The following DCDC2B variants were observed in gnomAD, a reference collection of about 807,000 sequenced individuals.
The protein encoded by DCDC2B is doublecortin domain-containing protein 2B.
DCDC2B carries 41 observed loss-of-function variants against 38.9 expected under a neutral mutation model. That is an observed-to-expected ratio of 1.05 (90% CI 0.82 to 1.37). The LOEUF (loss-of-function observed/expected upper bound fraction) is 1.37. Ranked by LOEUF, DCDC2B falls within the 40% of genes most tolerant of loss-of-function variation. The probability of loss-of-function intolerance (pLI) is 0.00; values close to 1 mark genes in which losing one functional copy is unlikely to be tolerated. For missense variants in DCDC2B, 453 were observed against 427.2 expected, an observed-to-expected ratio of 1.06 and a Z score of -0.53; for synonymous variants, 181 against 171.9, an observed-to-expected ratio of 1.05 and a Z score of -0.41.
At chr1:32,211,647 C>T (rs368115283) in intron 2 of DCDC2B, 114 bp from the exon 3 acceptor site, 13 of 1,047,980 alleles carry the variant, frequency 1.2e-5, no homozygotes, top group African/African-American at 4.8e-5. Flanking sequence ...TACTCCTCCT[C>T]GCCCCCTTCC....
Position 32,210,714 on chromosome 1 carries a change from C to CTT in DCDC2B, c.267-546_267-545dup, listed in dbSNP as rs541050742. Among the ~76,000 whole-genome samples the CTT allele has an allele frequency of 9.0e-3, 1,304 of 144,748 alleles. 26 individuals are homozygous for CTT. Among genetic ancestry groups the CTT allele is most frequent in the African/African-American group, 0.031 (1,227 of 39,804 alleles). 95.0% of individuals were successfully genotyped at this position (144,748 alleles called of 152,430 possible). A position where few individuals can be genotyped will look rare whatever the true frequency, so the allele number is the denominator to read the frequency against. ...TGCACTAGTTTCTAGTTTCTCTTGA[C>CTT]TTTTTTTTTTTTTGAGACAGGGTCT... On this transcript the variant is annotated intron_variant, in intron 1 of 8. Coordinates refer to ENST00000409358, the MANE Select transcript of DCDC2B (RefSeq NM_001099434.2).
At chr1:32,212,672 G>A in intron 5 of DCDC2B, 36 bp downstream of exon 5, 1 of 1,613,062 alleles carries the variant, frequency 6.2e-7, no homozygotes, top group Non-Finnish European at 8.5e-7. Flanking sequence ...AACAGGCCGG[G>A]CAGAGGAAGC....
intron 2 of DCDC2B, 122 bp from the exon 3 acceptor site, chr1:32,211,639 C>G: frequency 1.0e-6 from 1 of 964,258 alleles, no homozygotes; most frequent in Non-Finnish European, 1.6e-6. Context: ...AACTGTCTTA[C>G]TCCTCCTCGC....
Position 32,212,565 on chromosome 1 carries a change from A to G in DCDC2B, c.603A>G (p.Gly201=), listed in dbSNP as rs1569757994. ...CTGGCCATTACTATGTGGCTGTCGG[A>G]GAGGATGAGTTCAAGGACCTTCCCT... The part of the protein sequence containing the change: ...LVTGHYYVAV[G]EDEFKDLPYL... Residue 201 remains glycine (G), a synonymous_variant, in exon 5 of 9, where the codon GGA becomes GGG. Transcript: ENST00000409358. 1 of 1,614,004 alleles carries G rather than the reference A, an allele frequency of 6.2e-7. No individual in the cohort carries two copies. Among genetic ancestry groups the G allele is most frequent in the Non-Finnish European group, 8.5e-7 (1 of 1,179,890 alleles).
Position 32,212,536 on chromosome 1 carries a change from G to A in DCDC2B, c.574G>A (p.Val192Ile), listed in dbSNP as rs202155649. 6 of 1,614,032 alleles carry A rather than the reference G, an allele frequency of 3.7e-6. No homozygotes were observed. In the East Asian group the frequency reaches 1.1e-4, roughly 30 times the overall value. ...GLPLSAGKEL[V>I]TGHYYVAVGE... The stretch of plus-strand genomic sequence containing the variant: ...CCCACTGTCAGCAGGGAAGGAGCTG[G>A]TAACTGGCCATTACTATGTGGCTGT... Residue 192 changes from valine to isoleucine, a missense_variant, in exon 5 of 9, where the codon GTA (valine) becomes ATA (isoleucine). Physicochemically the swap from Val to Ile is conservative, Grantham distance 29. Transcript: ENST00000409358.
At chr1:32,211,168 G>A in intron 1 of DCDC2B, 104 bp from the exon 2 acceptor site, 1 of 1,029,134 alleles carries the variant, frequency 9.7e-7, no homozygotes, top group Non-Finnish European at 1.5e-6. Flanking sequence ...TATTCCATGG[G>A]GAGGGATATC....
Position 32,214,908 on chromosome 1 carries a change from C to T in DCDC2B, c.826C>T (p.Leu276Phe). ...PQQTIQPRSK[L>F]PTLSFPSGVI... ...GCAGACCATTCAGCCAAGAAGCAAG[C>T]TCCCCACACTCTCATTCCCATCAGG... The change falls in exon 7 of 9, where the codon CTC becomes TTC. Residue 276 changes from leucine to phenylalanine, a missense_variant. Leu to Phe is a conservative substitution (Grantham distance 22). Coordinates refer to ENST00000409358, the MANE Select transcript of DCDC2B (RefSeq NM_001099434.2). 6.2e-7 allele frequency: 1 copy of T among 1,614,012 alleles called. No homozygotes were observed. The highest frequency in any genetic ancestry group is 8.5e-7 in the Non-Finnish European group (1 of 1,179,898).
chr1:32,212,648 G>A lies in DCDC2B; in HGVS notation c.674+12G>A. On this transcript the variant is annotated intron_variant, in intron 5 of 8. Coordinates refer to ENST00000409358, the MANE Select transcript of DCDC2B (RefSeq NM_001099434.2). Reference sequence around the variant, plus strand: ...CCCAGGGGCTGCTGGTATGTATGTGGGAGGTGGAGCGGTAACAGGCCGGGC... The same window carrying A: ...CCCAGGGGCTGCTGGTATGTATGTGAGAGGTGGAGCGGTAACAGGCCGGGC... 1 of 1,613,722 alleles carries A rather than the reference G, an allele frequency of 6.2e-7. No homozygotes were observed. Among genetic ancestry groups the A allele is most frequent in the East Asian group, 2.2e-5 (1 of 44,872 alleles).
chr1:32,212,152 T>C lies in DCDC2B; in HGVS notation c.478T>C (p.Leu160=). The change falls in exon 4 of 9, where the codon TTG becomes CTG. Residue 160 remains leucine, a synonymous_variant. Transcript: ENST00000409358. ...QAASQDWETV[L]KLLTEKVKLQ... is the part of the protein sequence containing the mutation. ...TGCCAGCCAGGACTGGGAAACTGTGTTGAAGCTCCTGACTGAGAAGGTCAA... is the reference window on the plus strand; with the variant it reads ...TGCCAGCCAGGACTGGGAAACTGTGCTGAAGCTCCTGACTGAGAAGGTCAA... 6.2e-7 allele frequency: 1 copy of C among 1,613,804 alleles called. No individual in the cohort carries two copies. The highest frequency in any genetic ancestry group is 1.1e-5 in the South Asian group (1 of 91,062).
At chr1:32,215,723 G>A in intron 8 of DCDC2B, 79 bp from the exon 9 acceptor site, 1 of 1,257,870 alleles carries the variant, frequency 7.9e-7, no homozygotes. Flanking sequence ...CCTTCCTTGG[G>A]GTTGGGGACC....
intron 6 of DCDC2B, 97 bp downstream of exon 6, chr1:32,212,890 CTCT>C: frequency 7.2e-7 from 1 of 1,392,278 alleles, no homozygotes; most frequent in Non-Finnish European, 1.0e-6. Flanking sequence ...ACTGCATCCT[CTCT>C]TTTTTCTTTT....
In DCDC2B at chr1:32,214,993, T is replaced by A. The variant is rs551219298; in HGVS notation, c.850+61T>A. 524 of 1,599,020 alleles carry A rather than the reference T, an allele frequency of 3.3e-4. 7 individuals are homozygous for A. In the South Asian group the frequency reaches 5.5e-3, roughly 17 times the overall value. ...GCCCTTTGACAGTGACATAGGTTGG[T>A]CCCTGCTGTTGTTGGGGATGTCCAT... On this transcript the variant is annotated intron_variant, in intron 7 of 8. Coordinates refer to ENST00000409358, the MANE Select transcript of DCDC2B (RefSeq NM_001099434.2).
At chr1:32,213,503 ATTTTTTTTTTTT>A in intron 6 of DCDC2B, among the ~76,000 whole-genome samples, 1 of 116,578 alleles carries the variant, frequency 8.6e-6, no homozygotes. Flanking sequence ...CACCCGGCTA[ATTTTTTTTTTTT>A]TTTTTTTTTT....
At chr1:32,210,778 G>A (rs754673237) in intron 1 of DCDC2B, among the ~76,000 whole-genome samples, 28 of 151,942 alleles carry the variant, frequency 1.8e-4, no homozygotes, top group Non-Finnish European at 2.2e-4. Flanking sequence ...GCACTGGCGC[G>A]ATCATGGCTC....
Position 32,212,791 on chromosome 1 carries a change from G to C in DCDC2B, c.712G>C (p.Gly238Arg), listed in dbSNP as rs753585707. ...CTCGAAGTCTAGGCCCCACAGGCAG[G>C]GGGTAGGTGACGCAGGGGACAATGA... Reference protein sequence around the residue: ...PGSKSRPHRQGAQGHRAQVTQ... With the variant: ...PGSKSRPHRQRAQGHRAQVTQ... The change falls in exon 6 of 9, where the codon GGG becomes CGG. Residue 238 changes from glycine to arginine, a missense_variant and splice_region_variant. Gly to Arg is a moderately radical substitution (Grantham distance 125, BLOSUM62 -2). Transcript: ENST00000409358. The C allele has an allele frequency of 6.2e-7, 1 of 1,613,762 alleles. No individual in the cohort carries two copies. The highest frequency in any genetic ancestry group is 8.5e-7 in the Non-Finnish European group (1 of 1,179,886).
At chr1:32,211,219 C>T (rs1258170592) in intron 1 of DCDC2B, 53 bp from the exon 2 acceptor site, 2 of 1,540,900 alleles carry the variant, frequency 1.3e-6, no homozygotes, top group African/African-American at 2.7e-5. Flanking sequence ...ATCTGCCAGG[C>T]TATTGAGGCC....
chr1:32,215,225 G>C (rs1638277321), intron 7 of DCDC2B: 2 of 592,510 alleles, frequency 3.4e-6, no homozygotes, highest in Non-Finnish European at 5.8e-6. Context: ...ACCTGGAAAG[G>C]GCAGTGCTTA....
At chr1:32,211,954 A>T (rs971470355) in intron 3 of DCDC2B, 116 bp from the exon 4 acceptor site, 2 of 1,537,984 alleles carry the variant, frequency 1.3e-6, no homozygotes, top group Non-Finnish European at 8.8e-7. Flanking sequence ...GAAGTCCAGC[A>T]TGCTTGATGG....
At chr1:32,215,309 C>T (rs1638290535) in intron 7 of DCDC2B, 131 bp from the exon 8 acceptor site, 4 of 753,564 alleles carry the variant, frequency 5.3e-6, no homozygotes, top group Non-Finnish European at 6.4e-6. Flanking sequence ...CACTTCCTTG[C>T]CATCCTGGGA....
Sources: allele counts gnomAD v4.1 joint callset (sites outside exome capture counted in the v4.1 genomes callset), GRCh38; gene constraint gnomAD v4.1.1; transcripts MANE v1.5; gene names NCBI Gene and HGNC (gene_info 2026-07-23, HGNC 2026-07-21).